The following B3GAT2 variants were observed in gnomAD, a reference collection of about 807,000 sequenced individuals.
The protein encoded by B3GAT2 is galactosylgalactosylxylosylprotein 3-beta-glucuronosyltransferase 2.
B3GAT2 carries 26 observed loss-of-function variants against 27.8 expected under a neutral mutation model. The ratio of observed to expected loss-of-function variants is 0.93; its 90% confidence interval spans 0.68 to 1.30. The LOEUF is 1.30. Ranked by LOEUF, B3GAT2 falls within the 50% of genes most tolerant of loss-of-function variation. B3GAT2 has a pLI of 0.00. For missense variants in B3GAT2, 458 were observed against 459.0 expected (o/e 1.00, Z 0.02); for synonymous variants, 218 against 195.1 (o/e 1.12, Z -0.98).
intron 2 of B3GAT2, among the ~76,000 whole-genome samples, chr6:70,893,133 C>A (rs558332621): frequency 1.3e-5 from 2 of 152,304 alleles, no homozygotes; most frequent in East Asian, 1.9e-4. Flanking sequence ...GAGCGCTGTG[C>A]CCCTCAGATG....
rs751015500 is a variant in B3GAT2 at position 70,858,139 on chromosome 6, C to T, written c.*3524G>A. On this transcript the variant is annotated 3_prime_UTR_variant, in exon 4 of 4. Transcript: ENST00000230053. ...TGCCACTTCCTCAGAACGTTGTTGG[C>T]CCCCAAGGAGGAATGGTGGGACAAA... 2.5e-6 allele frequency: 4 copies of T among 1,613,932 alleles called. No individual in the cohort carries two copies. In the Admixed American group the frequency reaches 5.0e-5, roughly 20 times the overall value.
At chr6:70,939,890 ATAAT>A (rs1311789563) in intron 1 of B3GAT2, among the ~76,000 whole-genome samples, 1 of 152,054 alleles carries the variant, frequency 6.6e-6, no homozygotes, top group Non-Finnish European at 1.5e-5. Flanking sequence ...AACTTAAAGT[ATAAT>A]AATAATAAAA....
At chr6:70,924,760 AATG>A (rs1249326491) in intron 1 of B3GAT2, among the ~76,000 whole-genome samples, 5 of 152,198 alleles carry the variant, frequency 3.3e-5, no homozygotes, top group Non-Finnish European at 7.4e-5. Context: ...TTGTAGTTTA[AATG>A]ATAATAGCCC....
chr6:70,910,907 T>A (rs181647659), intron 1 of B3GAT2, among the ~76,000 whole-genome samples: 1 of 152,242 alleles, frequency 6.6e-6, no homozygotes, highest in South Asian at 2.1e-4. Flanking sequence ...GGTTTTAATT[T>A]GTATTTCTCT....
chr6:70,942,188 C>T (rs1247665340), intron 1 of B3GAT2, among the ~76,000 whole-genome samples: 3 of 152,172 alleles, frequency 2.0e-5, no homozygotes, highest in African/African-American at 4.8e-5. Flanking sequence ...CACAAGTTTA[C>T]ATAAAGACAT....
At chr6:70,946,050 C>T (rs555309726) in intron 1 of B3GAT2, among the ~76,000 whole-genome samples, 1 of 152,068 alleles carries the variant, frequency 6.6e-6, no homozygotes, top group South Asian at 2.1e-4. Flanking sequence ...CCAGGCCTGC[C>T]CTAAAAGAGC....
intron 2 of B3GAT2, among the ~76,000 whole-genome samples, chr6:70,867,915 A>G (rs1393559333): frequency 6.6e-6 from 1 of 152,180 alleles, no homozygotes; most frequent in Non-Finnish European, 1.5e-5. Flanking sequence ...TCAAAATTTT[A>G]GCAAATCAAA....
At chr6:70,940,630 TAA>T (rs914886351) in intron 1 of B3GAT2, among the ~76,000 whole-genome samples, 1 of 152,060 alleles carries the variant, frequency 6.6e-6, no homozygotes, top group Non-Finnish European at 1.5e-5. Context: ...ACATAGTAAT[TAA>T]AAACCACACC....
At chr6:70,941,433 G>T (rs564900681) in intron 1 of B3GAT2, among the ~76,000 whole-genome samples, 2 of 152,200 alleles carry the variant, frequency 1.3e-5, no homozygotes, top group African/African-American at 4.8e-5. Flanking sequence ...AACATGGGCT[G>T]TTACGCCTAT....
chr6:70,899,713 G>A (rs1257620383), intron 1 of B3GAT2, among the ~76,000 whole-genome samples: 2 of 152,054 alleles, frequency 1.3e-5, no homozygotes, highest in Non-Finnish European at 2.9e-5. Context: ...CATTTCAAAG[G>A]AAAACGGCAC....
intron 1 of B3GAT2, among the ~76,000 whole-genome samples, chr6:70,894,721 A>G (rs1042966661): frequency 6.6e-6 from 1 of 152,198 alleles, no homozygotes; most frequent in African/African-American, 2.4e-5. Context: ...TTCTATTGCT[A>G]TACATACACA....
chr6:70,916,640 T>C (rs994332875), intron 1 of B3GAT2, among the ~76,000 whole-genome samples: 2 of 152,224 alleles, frequency 1.3e-5, no homozygotes, highest in African/African-American at 4.8e-5. Context: ...CTTTGCTGCA[T>C]GTATTGAGAT....
Position 70,921,602 on chromosome 6 carries a change from T to C in B3GAT2, c.592-27330A>G, listed in dbSNP as rs113763829. On this transcript the variant is annotated intron_variant, in intron 1 of 3. Transcript: ENST00000230053. ...CAGATTCTCAATTCTATCTCTGTCA[T>C]TTCAGTTTTGTTAAGAACCATTGCT... 1.6e-3 allele frequency among the ~76,000 whole-genome samples: 247 copies of C among 152,330 alleles called. 1 individual carries two copies. The highest frequency in any genetic ancestry group is 5.5e-3 in the African/African-American group (230 of 41,570).
chr6:70,941,197 C>G (rs1208170086), intron 1 of B3GAT2, among the ~76,000 whole-genome samples: 1 of 152,044 alleles, frequency 6.6e-6, no homozygotes, highest in East Asian at 1.9e-4. Context: ...CCCTAGGCCT[C>G]TAGAAACATA....
chr6:70,869,946 C>A (rs1389642410), intron 2 of B3GAT2, among the ~76,000 whole-genome samples: 1 of 152,088 alleles, frequency 6.6e-6, no homozygotes, highest in African/African-American at 2.4e-5. Flanking sequence ...GTTGGTGGGA[C>A]TGTAAACTAG....
chr6:70,887,128 A>G (rs1713951115), intron 2 of B3GAT2, among the ~76,000 whole-genome samples: 1 of 152,244 alleles, frequency 6.6e-6, no homozygotes, highest in East Asian at 1.9e-4. Flanking sequence ...GCAGGAAGAC[A>G]ATTCCCTCCA....
chr6:70,886,582 C>G (rs568368795), intron 2 of B3GAT2, among the ~76,000 whole-genome samples: 1 of 152,224 alleles, frequency 6.6e-6, no homozygotes, highest in Admixed American at 6.5e-5. Context: ...CCCCTTCAGC[C>G]CTGAAAGGCC....
intron 2 of B3GAT2, among the ~76,000 whole-genome samples, chr6:70,887,593 C>G (rs1407413820): frequency 1.3e-5 from 2 of 152,174 alleles, no homozygotes; most frequent in Non-Finnish European, 2.9e-5. Context: ...CGGCTTCTGC[C>G]TACAGGAAGG....
intron 1 of B3GAT2, among the ~76,000 whole-genome samples, chr6:70,940,414 A>T (rs1008577012): frequency 2.6e-5 from 4 of 152,114 alleles, no homozygotes; most frequent in Non-Finnish European, 4.4e-5. Flanking sequence ...CTCCTCCAAC[A>T]GGTGCTGGTC....
Sources: allele counts gnomAD v4.1 joint callset (sites outside exome capture counted in the v4.1 genomes callset), GRCh38; gene constraint gnomAD v4.1.1; transcripts MANE v1.5; gene names NCBI Gene and HGNC (gene_info 2026-07-23, HGNC 2026-07-21).